Variants in NRXN3 observed in about 807,000 individuals in gnomAD.
The protein encoded by NRXN3 is neurexin 3.
In NRXN3, 32 loss-of-function variants were observed where a neutral mutation model predicts 137.6. The observed-to-expected ratio is 0.23, with a 90% CI of 0.18 to 0.31. The LOEUF is 0.31. NRXN3 is among the 10% of genes least tolerant of loss of function. The pLI, the probability that NRXN3 is intolerant of heterozygous loss-of-function variation, is 1.00. For missense variants in NRXN3, 1,574 were observed against 2,062.5 expected (o/e 0.76, Z 4.59); for synonymous variants, 798 against 784.5 (o/e 1.02, Z -0.29).
At chr14:79,555,703 G>C (rs1442901227) in intron 16 of NRXN3, among the ~76,000 whole-genome samples, 1 of 152,050 alleles carries the variant, frequency 6.6e-6, no homozygotes, top group Non-Finnish European at 1.5e-5. Flanking sequence ...CCAGGAAAAG[G>C]GAATAGCAAG....
rs537466838 is a variant in NRXN3, at chr14:79,735,634, G to T, written c.4014+37697G>T. Among the ~76,000 whole-genome samples the T allele has an allele frequency of 1.4e-4, 21 of 152,222 alleles. No homozygotes were observed. The South Asian group carries it at 4.4e-3, about 32-fold the overall frequency. On this transcript the variant is annotated intron_variant, in intron 19 of 20. Coordinates refer to ENST00000335750, the MANE Select transcript of NRXN3 (RefSeq NM_001330195.2). ...CACACACAGCCACTGTCCTGTAAAG[G>T]GTGGTAGTGTATAAGCAGAAGAAAA...
At chr14:78,972,516 G>C (rs967567685) in intron 14 of NRXN3, among the ~76,000 whole-genome samples, 17 of 152,150 alleles carry the variant, frequency 1.1e-4, no homozygotes, top group African/African-American at 3.9e-4. Flanking sequence ...GGCTCCATCT[G>C]ATTGCACACA....
At chr14:79,084,144 C>T (rs975786873) in intron 15 of NRXN3, among the ~76,000 whole-genome samples, 33 of 151,894 alleles carry the variant, frequency 2.2e-4, no homozygotes, top group Admixed American at 5.9e-4. Flanking sequence ...AAACTCCTGG[C>T]CTTAAGTGTT....
intron 4 of NRXN3, among the ~76,000 whole-genome samples, chr14:78,617,471 T>G (rs1051688520): frequency 6.6e-6 from 1 of 152,220 alleles, no homozygotes; most frequent in Non-Finnish European, 1.5e-5. Context: ...TCCTGCAGAA[T>G]GAACATTTAG....
intron 1 of NRXN3, among the ~76,000 whole-genome samples, chr14:78,172,772 T>TA (rs2058855067): frequency 3.3e-5 from 5 of 152,142 alleles, no homozygotes; most frequent in South Asian, 4.1e-4. Context: ...TGGCCCTTTC[T>TA]AGTGAAATAA....
At chr14:79,790,809 C>G (rs1270358247) in intron 19 of NRXN3, among the ~76,000 whole-genome samples, 3 of 151,860 alleles carry the variant, frequency 2.0e-5, no homozygotes, top group South Asian at 4.2e-4. Context: ...TTAGTAGAGG[C>G]AGGGTTTCAC....
chr14:78,680,072 A>G (rs1226983029), intron 6 of NRXN3, among the ~76,000 whole-genome samples: 1 of 152,060 alleles, frequency 6.6e-6, no homozygotes, highest in Non-Finnish European at 1.5e-5. Flanking sequence ...TATTGTGTAT[A>G]TATGCATATA....
intron 4 of NRXN3, among the ~76,000 whole-genome samples, chr14:78,590,262 T>C (rs1254113367): frequency 1.3e-5 from 2 of 152,212 alleles, no homozygotes; most frequent in African/African-American, 4.8e-5. Context: ...GTAGAAGTAA[T>C]GACTTTTCTT....
At chr14:79,745,825 T>G (rs993288628) in intron 19 of NRXN3, among the ~76,000 whole-genome samples, 1 of 152,086 alleles carries the variant, frequency 6.6e-6, no homozygotes, top group Non-Finnish European at 1.5e-5. Flanking sequence ...ATCTTTGGCC[T>G]TTTTTGGCTT....
intron 1 of NRXN3, among the ~76,000 whole-genome samples, chr14:78,206,784 T>G (rs952806960): frequency 7.2e-5 from 11 of 152,084 alleles, no homozygotes; most frequent in African/African-American, 2.7e-4. Context: ...TCAAAGTGGG[T>G]GGTGAGCAAC....
chr14:79,151,608 C>A (rs1163754790), intron 15 of NRXN3, among the ~76,000 whole-genome samples: 1 of 151,972 alleles, frequency 6.6e-6, no homozygotes, highest in Non-Finnish European at 1.5e-5. Flanking sequence ...GCAGCCTAAC[C>A]AATGGCCAGC....
At chr14:78,599,700 C>G (rs1246127040) in intron 4 of NRXN3, among the ~76,000 whole-genome samples, 1 of 152,230 alleles carries the variant, frequency 6.6e-6, no homozygotes, top group Non-Finnish European at 1.5e-5. Flanking sequence ...AACCAGATCA[C>G]TCTTTTTTTA....
At chr14:78,561,373 G>T (rs1056748836) in intron 4 of NRXN3, among the ~76,000 whole-genome samples, 2 of 152,138 alleles carry the variant, frequency 1.3e-5, no homozygotes, top group African/African-American at 2.4e-5. Flanking sequence ...GTTTCATTGG[G>T]CATGAGAAAA....
At chr14:78,251,722 C>A (rs146873348) in intron 2 of NRXN3, among the ~76,000 whole-genome samples, 291 of 152,260 alleles carry the variant, frequency 1.9e-3, no homozygotes, top group African/African-American at 6.7e-3. Context: ...AGGATATCCA[C>A]TGGGAAAAGG....
intron 15 of NRXN3, among the ~76,000 whole-genome samples, chr14:79,376,884 A>G (rs994358913): frequency 6.6e-6 from 1 of 152,204 alleles, no homozygotes; most frequent in Non-Finnish European, 1.5e-5. Context: ...ATGCAATCCT[A>G]TTAATCTAAC....
intron 4 of NRXN3, among the ~76,000 whole-genome samples, chr14:78,435,493 A>C (rs138870029): frequency 2.8e-4 from 43 of 152,316 alleles, no homozygotes; most frequent in Admixed American, 1.2e-3. Flanking sequence ...CTCACATTAA[A>C]GACCTTTTTC....
intron 15 of NRXN3, among the ~76,000 whole-genome samples, chr14:78,988,771 A>G (rs1056589904): frequency 6.7e-5 from 10 of 149,326 alleles, no homozygotes; most frequent in East Asian, 5.9e-4. Context: ...GTGTATATAT[A>G]TGTGTGTGTG....
intron 16 of NRXN3, among the ~76,000 whole-genome samples, chr14:79,565,234 CAT>C (rs142510605): frequency 0.024 from 2,918 of 119,800 alleles, 108 homozygotes; most frequent in African/African-American, 0.081. Context: ...TGTATATATA[CAT>C]ATATGTGTGT....
chr14:79,444,889 TG>T (rs1258590384), intron 15 of NRXN3, among the ~76,000 whole-genome samples: 1 of 152,140 alleles, frequency 6.6e-6, no homozygotes, highest in Non-Finnish European at 1.5e-5. Context: ...ACATACATAT[TG>T]TGGAGATTGT....
Sources: allele counts gnomAD v4.1 joint callset (sites outside exome capture counted in the v4.1 genomes callset), GRCh38; gene constraint gnomAD v4.1.1; transcripts MANE v1.5; gene names NCBI Gene and HGNC (gene_info 2026-07-23, HGNC 2026-07-21).